UFD1: variants seen among roughly 807,000 people sequenced by gnomAD.
UFD1 encodes the protein ubiquitin recognition factor in ER-associated degradation protein 1.
Under a neutral mutation model 45.9 loss-of-function variants are expected in UFD1, and 13 were observed. The observed-to-expected ratio is 0.28, with a 90% CI of 0.18 to 0.45. UFD1 has a LOEUF of 0.45. UFD1 is among the 20% of genes least tolerant of loss of function. The pLI is 1.00. For missense variants in UFD1, 218 were observed against 389.2 expected (o/e 0.56, Z 3.70); for synonymous variants, 128 against 139.2 (o/e 0.92, Z 0.56).
intron 6 of UFD1, among the ~76,000 whole-genome samples, chr22:19,458,470 A>G (rs917359458): frequency 6.6e-6 from 1 of 152,056 alleles, no homozygotes; most frequent in South Asian, 2.1e-4. Flanking sequence ...TTTAGACAGA[A>G]TCTCGCTCTA....
rs2089675552 is a variant in UFD1, at chr22:19,450,858, G to A, written c.850-114C>T. On this transcript the variant is annotated intron_variant, in intron 11 of 11. Transcript: ENST00000263202. ...TTACTCATAAGAAATATCTCAGGCT[G>A]GACACGATAGCTGACACCTGTAATC... The A allele has an allele frequency of 2.6e-6, 4 of 1,565,822 alleles. No individual in the cohort carries two copies. In the South Asian group the frequency reaches 4.6e-5, roughly 18 times the overall value.
intron 6 of UFD1, among the ~76,000 whole-genome samples, chr22:19,458,614 T>G (rs1170908208): frequency 6.6e-6 from 1 of 152,150 alleles, no homozygotes; most frequent in Non-Finnish European, 1.5e-5. Context: ...TGGCTAATTT[T>G]TGTATTGTTG....
Position 19,450,593 on chromosome 22 carries a change from T to C in UFD1, c.*77A>G, listed in dbSNP as rs2089673117. ...AGTATTCTCTGATGAGGCTCGTCCC[T>C]GTCAGTGCCAGTAACTAAAAGCCAA... On this transcript the variant is annotated 3_prime_UTR_variant, in exon 12 of 12. Transcript: ENST00000263202. 41 of 1,566,956 alleles carry C rather than the reference T, an allele frequency of 2.6e-5. No homozygotes were observed. The highest frequency in any genetic ancestry group is 3.3e-5 in the Non-Finnish European group (38 of 1,139,804).
chr22:19,455,314 A>G (rs1310904250), intron 10 of UFD1, among the ~76,000 whole-genome samples: 1 of 152,236 alleles, frequency 6.6e-6, no homozygotes, highest in Non-Finnish European at 1.5e-5. Flanking sequence ...ATGTGACCTG[A>G]TTAATAATTC....
At chr22:19,468,348 A>G (rs756657) in intron 4 of UFD1, among the ~76,000 whole-genome samples, 3 of 151,942 alleles carry the variant, frequency 2.0e-5, no homozygotes, top group Non-Finnish European at 2.9e-5. Flanking sequence ...GCAAATTATA[A>G]GGCCCTGCGT....
chr22:19,469,704 C>T (rs2089829807), intron 4 of UFD1, among the ~76,000 whole-genome samples: 1 of 152,186 alleles, frequency 6.6e-6, no homozygotes, highest in Admixed American at 6.5e-5. Context: ...CCAGAAAAAG[C>T]ACTGGCTCAC....
intron 3 of UFD1, 138 bp downstream of exon 3, chr22:19,474,930 C>T (rs375854961): frequency 1.2e-5 from 10 of 815,796 alleles, no homozygotes; most frequent in East Asian, 5.7e-5. Context: ...CCCAGCCCAG[C>T]GCATGCCCTC....
intron 5 of UFD1, 52 bp downstream of exon 5, chr22:19,467,821 G>T (rs1258355096): frequency 6.2e-7 from 1 of 1,606,490 alleles, no homozygotes; most frequent in Non-Finnish European, 8.5e-7. Context: ...TTTAACAACC[G>T]CCAGCACACT....
chr22:19,457,499 G>A (rs1017602683), intron 7 of UFD1, among the ~76,000 whole-genome samples: 4 of 152,134 alleles, frequency 2.6e-5, no homozygotes, highest in South Asian at 2.1e-4. Flanking sequence ...GGTTCAGTAC[G>A]CTTCCTTAGC....
intron 5 of UFD1, chr22:19,467,489 C>T (rs181060914): frequency 2.7e-4 from 48 of 177,974 alleles, no homozygotes; most frequent in Admixed American, 2.1e-3. Flanking sequence ...GTGAGGTTGA[C>T]GGGCCAGTGC....
chr22:19,453,100 G>C (rs765498872), intron 11 of UFD1: 6 of 985,286 alleles, frequency 6.1e-6, no homozygotes, highest in Non-Finnish European at 7.2e-6. Flanking sequence ...TAGTAGTCTA[G>C]AGACCTACTG....
At chr22:19,464,257 CAG>C (rs796073872) in intron 6 of UFD1, among the ~76,000 whole-genome samples, 11 of 152,302 alleles carry the variant, frequency 7.2e-5, no homozygotes, top group African/African-American at 2.6e-4. Flanking sequence ...CCGAAGGGAC[CAG>C]AGAGTGCTGT....
At chr22:19,468,747 T>C (rs573902651) in intron 4 of UFD1, among the ~76,000 whole-genome samples, 91 of 152,266 alleles carry the variant, frequency 6.0e-4, no homozygotes, top group Middle Eastern at 3.4e-3. Context: ...GCCCTGACAG[T>C]TGGACAGTGC....
intron 5 of UFD1, chr22:19,466,143 T>C (rs1297538308): frequency 6.6e-6 from 1 of 152,246 alleles, no homozygotes; most frequent in Admixed American, 6.5e-5. Flanking sequence ...AGAGCAACTT[T>C]GTGAAAAGCG....
chr22:19,478,951 A>G (rs1644438666), intron 1 of UFD1, 132 bp downstream of exon 1: 2 of 1,268,060 alleles, frequency 1.6e-6, no homozygotes, highest in Non-Finnish European at 1.1e-6. Flanking sequence ...GCGGCCGATG[A>G]GCCTGCAGGC....
At chr22:19,458,214 G>T in intron 6 of UFD1, 75 bp from the exon 7 acceptor site, 2 of 1,493,554 alleles carry the variant, frequency 1.3e-6, no homozygotes, top group Non-Finnish European at 9.3e-7. Context: ...TGTTACTGTG[G>T]CTCTACTGGC....
At chr22:19,457,730 G>C (rs1374346027) in intron 7 of UFD1, among the ~76,000 whole-genome samples, 4 of 152,110 alleles carry the variant, frequency 2.6e-5, no homozygotes, top group Non-Finnish European at 5.9e-5. Context: ...AGAATCGCTT[G>C]AACCTGGGAG....
At position 19,479,147 on chromosome 22, in the gene UFD1, C is replaced by T; in HGVS notation, c.-62G>A. 6.3e-7 allele frequency: 1 copy of T among 1,592,468 alleles called. No individual in the cohort carries two copies. Among genetic ancestry groups the T allele is most frequent in the South Asian group, 1.1e-5 (1 of 88,546 alleles). On this transcript the variant is annotated 5_prime_UTR_variant, in exon 1 of 12. Coordinates refer to ENST00000263202, the MANE Select transcript of UFD1 (RefSeq NM_005659.7). ...CAATGCAACGAAGAAACCCCGCCGA[C>T]CGCTCTCCCAGCCGCCGCTGCCGCT... is the stretch of plus-strand genomic sequence containing the variant.
In UFD1 at chr22:19,450,053, A is replaced by T. The variant is rs1287031275; in HGVS notation, c.*617T>A. 1 of 152,276 alleles carries T rather than the reference A, an allele frequency of 6.6e-6. No individual in the cohort carries two copies. The highest frequency in any genetic ancestry group is 1.5e-5 in the Non-Finnish European group (1 of 68,062). The allele number at this position is 152,276 out of a possible 1,614,324, so 9.4% of individuals were successfully genotyped here. A position where few individuals can be genotyped will look rare whatever the true frequency, so the allele number is the denominator to read the frequency against. The stretch of plus-strand genomic sequence containing the variant: ...TGTTTCACTATGAACAGGTTCACTA[A>T]GGAGCCAGTTATGTCCATATGAAAT... On this transcript the variant is annotated 3_prime_UTR_variant, in exon 12 of 12. Transcript: ENST00000263202.
Sources: allele counts gnomAD v4.1 joint callset (sites outside exome capture counted in the v4.1 genomes callset), GRCh38; gene constraint gnomAD v4.1.1; transcripts MANE v1.5; gene names NCBI Gene and HGNC (gene_info 2026-07-23, HGNC 2026-07-21).